The following NBEAL1 variants were observed in gnomAD, a reference collection of about 807,000 sequenced individuals.
NBEAL1 encodes the protein neurobeachin like 1.
In NBEAL1, 273 loss-of-function variants were observed where a neutral mutation model predicts 351.3. The ratio of observed to expected loss-of-function variants is 0.78; its 90% CI spans 0.70 to 0.86. The LOEUF (loss-of-function observed/expected upper bound fraction) is 0.86, where lower values mean the gene tolerates loss of function less well. Among genes scored for constraint, NBEAL1 ranks in the 40% least tolerant of loss-of-function variants. The pLI is 0.00. For synonymous variants in NBEAL1, 1,050 were observed against 1,086.4 expected, an observed-to-expected ratio of 0.97 and a Z score of 0.66; for missense variants, 2,961 against 3,201.3, an observed-to-expected ratio of 0.92 and a Z score of 1.81.
intron 44 of NBEAL1, 41 bp downstream of exon 44, chr2:203,183,429 T>A (rs762864970): frequency 1.7e-6 from 2 of 1,145,366 alleles, no homozygotes; most frequent in African/African-American, 1.6e-5. Flanking sequence ...AATAATAAGA[T>A]AAAAGATGTG....
At chr2:203,075,872 C>T (rs1574935336) in intron 7 of NBEAL1, among the ~76,000 whole-genome samples, 1 of 152,304 alleles carries the variant, frequency 6.6e-6, no homozygotes, top group Non-Finnish European at 1.5e-5. Flanking sequence ...TTGTTTATAG[C>T]TGAAAGCCAT....
intron 36 of NBEAL1, among the ~76,000 whole-genome samples, chr2:203,160,370 C>T (rs2063915647): frequency 6.6e-6 from 1 of 152,170 alleles, no homozygotes; most frequent in South Asian, 2.1e-4. Context: ...CGTGAGCCAC[C>T]ACGCCCGGCC....
intron 38 of NBEAL1, among the ~76,000 whole-genome samples, chr2:203,169,490 C>T (rs760316519): frequency 3.3e-5 from 5 of 150,884 alleles, no homozygotes; most frequent in Non-Finnish European, 5.9e-5. Context: ...CACTTGTTGT[C>T]CAGGAGTTTG....
In NBEAL1 at chr2:203,201,576, C is replaced by T. The variant is rs764316525; in HGVS notation, c.7272C>T (p.Pro2424=). The change falls in exon 50 of 56, where the codon CCC becomes CCT. Residue 2424 remains proline, a synonymous_variant. Transcript: ENST00000683969. ...GCAGTATAAATGGTTCTTTTGCTCC[C>T]GGGCTAGAGATCACTTCTAAGCTAT... ...TQRSINGSFA[P]GLEITSKLFV... The T allele has an allele frequency of 8.1e-6, 13 of 1,598,074 alleles. No individual in the cohort carries two copies. The highest frequency in any genetic ancestry group is 1.1e-5 in the Non-Finnish European group (13 of 1,172,140).
intron 3 of NBEAL1, among the ~76,000 whole-genome samples, chr2:203,046,607 GC>G (rs544714838): frequency 2.5e-4 from 38 of 152,250 alleles, no homozygotes; most frequent in African/African-American, 8.9e-4. Context: ...TCTGGTGAGG[GC>G]CTGTCTTCTG....
intron 39 of NBEAL1, among the ~76,000 whole-genome samples, chr2:203,170,352 G>GA (rs1559033986): frequency 6.6e-6 from 1 of 151,938 alleles, no homozygotes; most frequent in Non-Finnish European, 1.5e-5. Context: ...CAGCCTGGGC[G>GA]ACAGAGCAAG....
chr2:203,203,464 T>G (rs1020423698), intron 51 of NBEAL1, among the ~76,000 whole-genome samples: 68 of 152,150 alleles, frequency 4.5e-4, no homozygotes, highest in African/African-American at 1.3e-3. Context: ...TATGAGCCAC[T>G]GTGCCCGGTC....
chr2:203,066,122 G>C (rs2106119169), intron 6 of NBEAL1, among the ~76,000 whole-genome samples: 1 of 152,200 alleles, frequency 6.6e-6, no homozygotes, highest in South Asian at 2.1e-4. Flanking sequence ...ATCTAATACA[G>C]GAACTTTAGA....
intron 4 of NBEAL1, among the ~76,000 whole-genome samples, chr2:203,056,141 C>T (rs1317971001): frequency 6.6e-6 from 1 of 152,122 alleles, no homozygotes; most frequent in Non-Finnish European, 1.5e-5. Flanking sequence ...TTTATTTTTT[C>T]TCTTCTGTTT....
At chr2:203,193,307 A>G (rs2065148764) in intron 46 of NBEAL1, among the ~76,000 whole-genome samples, 1 of 152,046 alleles carries the variant, frequency 6.6e-6, no homozygotes, top group African/African-American at 2.4e-5. Context: ...GGAATTAAAG[A>G]TTCATCCAAA....
At chr2:203,044,237 A>G (rs2061191101) in intron 3 of NBEAL1, among the ~76,000 whole-genome samples, 1 of 152,212 alleles carries the variant, frequency 6.6e-6, no homozygotes, top group Admixed American at 6.5e-5. Flanking sequence ...ACTATTATTC[A>G]TGTTAGGTTT....
intron 6 of NBEAL1, among the ~76,000 whole-genome samples, chr2:203,066,768 T>C (rs1328660947): frequency 4.4e-5 from 6 of 136,740 alleles, no homozygotes; most frequent in South Asian, 2.5e-4. Flanking sequence ...CGCTCCTCAC[T>C]TCCCAGACGG....
intron 10 of NBEAL1, among the ~76,000 whole-genome samples, chr2:203,093,059 C>T (rs1346292037): frequency 6.6e-6 from 1 of 151,676 alleles, no homozygotes; most frequent in Non-Finnish European, 1.5e-5. Context: ...AGTGAAACCC[C>T]GTCTCTACTA....
At chr2:203,093,251 A>G (rs1245998746) in intron 10 of NBEAL1, among the ~76,000 whole-genome samples, 1 of 149,982 alleles carries the variant, frequency 6.7e-6, no homozygotes, top group East Asian at 1.9e-4. Context: ...AAAAAAAAAA[A>G]AAAAAAAGAA....
intron 11 of NBEAL1, among the ~76,000 whole-genome samples, chr2:203,098,297 T>C (rs1402304945): frequency 6.6e-6 from 1 of 152,226 alleles, no homozygotes; most frequent in African/African-American, 2.4e-5. Flanking sequence ...TATTGTCTTT[T>C]ATTAACATTG....
At chr2:203,014,637 G>A (rs2060645924), upstream of NBEAL1, 1 of 152,278 alleles carries the variant, frequency 6.6e-6, no homozygotes. Flanking sequence ...CTGAGGGAAG[G>A]CTCGTTTCAG....
intron 19 of NBEAL1, among the ~76,000 whole-genome samples, chr2:203,122,780 T>C (rs1232725754): frequency 6.6e-6 from 1 of 152,224 alleles, no homozygotes; most frequent in Non-Finnish European, 1.5e-5. Flanking sequence ...ACTGCTCTTA[T>C]GGGTATCCCT....
chr2:203,174,288 A>C (rs1433148570), intron 41 of NBEAL1, among the ~76,000 whole-genome samples: 1 of 150,320 alleles, frequency 6.7e-6, no homozygotes, highest in Non-Finnish European at 1.5e-5. Flanking sequence ...GAAATAGTTA[A>C]ATTGTGGTAC....
chr2:203,182,050 A>G (rs903730878), intron 43 of NBEAL1: 2 of 152,196 alleles, frequency 1.3e-5, no homozygotes, highest in Admixed American at 6.6e-5. Context: ...AAGCAAATAT[A>G]TCAATTAGAA....
Sources: allele counts gnomAD v4.1 joint callset (sites outside exome capture counted in the v4.1 genomes callset), GRCh38; gene constraint gnomAD v4.1.1; transcripts MANE v1.5; gene names NCBI Gene and HGNC (gene_info 2026-07-23, HGNC 2026-07-21).